Variants in ADCK1 observed in about 807,000 individuals in gnomAD.
ADCK1 encodes the protein aarF domain-containing protein kinase 1.
A neutral mutation model predicts 52.3 loss-of-function variants in ADCK1; 41 were observed. That is an observed-to-expected ratio of 0.78 (90% CI 0.61 to 1.02). ADCK1 has a LOEUF of 1.02. ADCK1 is among the 50% of genes least tolerant of loss of function. ADCK1 has a pLI of 0.00. For missense variants in ADCK1, 658 were observed against 679.5 expected (o/e 0.97, Z 0.35); for synonymous variants, 250 against 274.6 (o/e 0.91, Z 0.89).
At chr14:77,868,516 C>T (rs906738034) in intron 4 of ADCK1, among the ~76,000 whole-genome samples, 2 of 152,168 alleles carry the variant, frequency 1.3e-5, no homozygotes, top group Non-Finnish European at 2.9e-5. Context: ...TCTTTTTGTC[C>T]TTCTTCCAGT....
At chr14:77,897,573 A>C (rs1310396110) in intron 5 of ADCK1, among the ~76,000 whole-genome samples, 1 of 152,200 alleles carries the variant, frequency 6.6e-6, no homozygotes, top group Non-Finnish European at 1.5e-5. Flanking sequence ...GTCATCACTC[A>C]AGAATCCACA....
intron 2 of ADCK1, among the ~76,000 whole-genome samples, chr14:77,821,329 A>G (rs777455728): frequency 2.0e-5 from 3 of 152,174 alleles, no homozygotes; most frequent in Non-Finnish European, 2.9e-5. Flanking sequence ...GTCTTTGAAC[A>G]CTACTCAGTG....
At chr14:77,827,986 G>T (rs2140054495) in intron 3 of ADCK1, 1 of 290,986 alleles carries the variant, frequency 3.4e-6, no homozygotes, top group South Asian at 2.7e-5. Flanking sequence ...GTGCCACCAT[G>T]CCCGGATAAT....
At position 77,817,896 on chromosome 14, in the gene ADCK1, T is replaced by C. The variant is rs200264516; in HGVS notation, c.-11-1072T>C. On this transcript the variant is annotated intron_variant, in intron 1 of 10. Coordinates refer to ENST00000238561, the MANE Select transcript of ADCK1 (RefSeq NM_020421.4). ...GACTACAGGCGCCCGCCACCACGCC[T>C]GGCTAATTTTTTGTTTTTTTTTTAG... 1.7e-3 allele frequency among the ~76,000 whole-genome samples: 169 copies of C among 100,288 alleles called. 1 individual carries two copies. The East Asian group carries it at 0.032, about 19-fold the overall frequency. 65.8% of individuals were successfully genotyped at this position (100,288 alleles called of 152,430 possible). A position where few individuals can be genotyped will look rare whatever the true frequency, so the allele number is the denominator to read the frequency against.
In ADCK1 at chr14:77,838,067, C is replaced by G. The variant is rs143800262; in HGVS notation, c.219+15549C>G. 7.1e-3 allele frequency among the ~76,000 whole-genome samples: 1,077 copies of G among 152,272 alleles called. 8 individuals are homozygous for G. Among genetic ancestry groups the G allele is most frequent in the African/African-American group, 0.025 (1,036 of 41,552 alleles). ...GTTAACAGCAGTAATAATCTAATAG[C>G]CTGTTCTTGATTTCCCACTTCTCAC... On this transcript the variant is annotated intron_variant, in intron 3 of 10. Coordinates refer to ENST00000238561, the MANE Select transcript of ADCK1 (RefSeq NM_020421.4).
intron 3 of ADCK1, among the ~76,000 whole-genome samples, chr14:77,837,353 G>A (rs2081983036): frequency 6.6e-6 from 1 of 151,984 alleles, no homozygotes; most frequent in Non-Finnish European, 1.5e-5. Flanking sequence ...GGCCAGGCTG[G>A]TCTTCAACTC....
At chr14:77,895,612 A>G (rs750584846) in intron 5 of ADCK1, among the ~76,000 whole-genome samples, 2 of 152,242 alleles carry the variant, frequency 1.3e-5, no homozygotes, top group Non-Finnish European at 2.9e-5. Context: ...AAAAATTGAA[A>G]TGAATCTGCT....
At chr14:77,928,347 T>G (rs2084245234) in intron 9 of ADCK1, among the ~76,000 whole-genome samples, 1 of 152,098 alleles carries the variant, frequency 6.6e-6, no homozygotes, top group Non-Finnish European at 1.5e-5. Context: ...AAATACAAAT[T>G]TAAGAGTCTT....
chr14:77,859,416 C>A, intron 4 of ADCK1, 137 bp downstream of exon 4: 1 of 849,422 alleles, frequency 1.2e-6, no homozygotes, highest in Non-Finnish European at 1.8e-6. Flanking sequence ...ACTCTCAGTG[C>A]TGAAATCAAA....
rs147248064 is a variant in ADCK1 at position 77,838,070 on chromosome 14, G to A, written c.219+15552G>A. 2.6e-5 allele frequency among the ~76,000 whole-genome samples: 4 copies of A among 152,324 alleles called. No individual in the cohort carries two copies. In the East Asian group the frequency reaches 7.7e-4, roughly 29 times the overall value. ...AACAGCAGTAATAATCTAATAGCCT[G>A]TTCTTGATTTCCCACTTCTCACTGT... On this transcript the variant is annotated intron_variant, in intron 3 of 10. Coordinates refer to ENST00000238561, the MANE Select transcript of ADCK1 (RefSeq NM_020421.4).
chr14:77,877,464 C>T (rs1447680846), intron 4 of ADCK1, among the ~76,000 whole-genome samples: 7 of 152,314 alleles, frequency 4.6e-5, no homozygotes, highest in Non-Finnish European at 7.4e-5. Context: ...TTAGAATTCA[C>T]GGCCCTCATC....
chr14:77,915,418 A>C (rs566369158), intron 7 of ADCK1, among the ~76,000 whole-genome samples: 1 of 149,822 alleles, frequency 6.7e-6, no homozygotes, highest in South Asian at 2.1e-4. Flanking sequence ...TCAATTCCCA[A>C]CTATGAGTGA....
intron 1 of ADCK1, among the ~76,000 whole-genome samples, chr14:77,817,637 C>T (rs895686048): frequency 6.6e-6 from 1 of 152,184 alleles, no homozygotes. Flanking sequence ...AGGCATTAAG[C>T]CTCTAACTGT....
At chr14:77,846,045 G>A (rs1417383851) in intron 3 of ADCK1, among the ~76,000 whole-genome samples, 15 of 152,186 alleles carry the variant, frequency 9.9e-5, no homozygotes, top group Admixed American at 9.8e-4. Flanking sequence ...GGTGTGTGAT[G>A]CAGCTCTGGA....
At chr14:77,858,944 G>GT (rs2082482464) in intron 3 of ADCK1, 132 bp from the exon 4 acceptor site, 1 of 775,356 alleles carries the variant, frequency 1.3e-6, no homozygotes. Context: ...GTGTGTGCGT[G>GT]TGTGTGCATG....
intron 3 of ADCK1, among the ~76,000 whole-genome samples, chr14:77,852,660 AATATATATATATATATATATAT>A (rs370053776): frequency 2.8e-4 from 9 of 31,744 alleles, no homozygotes; most frequent in African/African-American, 9.1e-4. Flanking sequence ...TAAATAAATA[AATATATATATATATATATATAT>A]ATATATATAT....
Position 77,894,736 on chromosome 14 carries a change from G to GTTTTTTTTTTTTTTTTTTTTTTTTT in ADCK1, c.583-4360_583-4336dup. 7.1e-4 allele frequency among the ~76,000 whole-genome samples: 26 copies of GTTTTTTTTTTTTTTTTTTTTTTTTT among 36,478 alleles called. 2 individuals are homozygous for GTTTTTTTTTTTTTTTTTTTTTTTTT. Among genetic ancestry groups the GTTTTTTTTTTTTTTTTTTTTTTTTT allele is most frequent in the Non-Finnish European group, 8.9e-4 (15 of 16,928 alleles). 23.9% of individuals were successfully genotyped at this position (36,478 alleles called of 152,430 possible). ...TTATTTCTTTTTCTTTTCTTTTCTTGTTTTTTTTTTTTTTTTTTTTTTTTT... is the reference window on the plus strand; with the variant it reads ...TTATTTCTTTTTCTTTTCTTTTCTTGTTTTTTTTTTTTTTTTTTTTTTTTTTTTTTTTTTTTTTTTTTTTTTTTTT... On this transcript the variant is annotated intron_variant, in intron 5 of 10. Coordinates refer to ENST00000238561, the MANE Select transcript of ADCK1 (RefSeq NM_020421.4).
At position 77,871,460 on chromosome 14, in the gene ADCK1, C is replaced by T. The variant is rs759132620; in HGVS notation, c.423+12181C>T. Among the ~76,000 whole-genome samples, 7 of 152,128 alleles carry T rather than the reference C, an allele frequency of 4.6e-5. No individual in the cohort carries two copies. In the East Asian group the frequency reaches 5.8e-4, roughly 13 times the overall value. On this transcript the variant is annotated intron_variant, in intron 4 of 10. Coordinates refer to ENST00000238561, the MANE Select transcript of ADCK1 (RefSeq NM_020421.4). ...GCAACCTTTGCCTCCCGGGTTCAAG[C>T]GATTGTCCCGCCTCAGCCTCCCAAG...
intron 1 of ADCK1, among the ~76,000 whole-genome samples, chr14:77,807,007 G>A (rs1447819769): frequency 6.9e-6 from 1 of 144,410 alleles, no homozygotes; most frequent in Non-Finnish European, 1.5e-5. Context: ...GAGCCACTGC[G>A]CCCGGCCTAA....
Sources: allele counts gnomAD v4.1 joint callset (sites outside exome capture counted in the v4.1 genomes callset), GRCh38; gene constraint gnomAD v4.1.1; transcripts MANE v1.5; gene names NCBI Gene and HGNC (gene_info 2026-07-23, HGNC 2026-07-21).